C1orf87: variants seen among roughly 807,000 people sequenced by gnomAD.
C1orf87 encodes chromosome 1 open reading frame 87, also known as uncharacterized protein C1orf87.
Under a neutral mutation model 60.5 loss-of-function variants are expected in C1orf87, and 58 were observed. The ratio of observed to expected loss-of-function variants is 0.96; its 90% CI spans 0.78 to 1.19. The LOEUF is 1.19. Ranked by LOEUF, C1orf87 falls within the 50% of genes most tolerant of loss-of-function variation. The pLI is 0.00. For missense variants in C1orf87, 673 were observed against 638.6 expected, an observed-to-expected ratio of 1.05 and a Z score of -0.58; for synonymous variants, 236 against 227.4, an observed-to-expected ratio of 1.04 and a Z score of -0.34.
At chr1:60,059,306 C>T (rs1471456316) in intron 2 of C1orf87, among the ~76,000 whole-genome samples, 1 of 152,324 alleles carries the variant, frequency 6.6e-6, no homozygotes, top group Non-Finnish European at 1.5e-5. Flanking sequence ...GCCATCAATA[C>T]TATCTTGGAA....
chr1:60,034,135 T>C (rs1645258703), intron 6 of C1orf87, among the ~76,000 whole-genome samples: 1 of 152,194 alleles, frequency 6.6e-6, no homozygotes. Context: ...ACCAGCTGGA[T>C]TTCCTGCATT....
intron 2 of C1orf87, among the ~76,000 whole-genome samples, chr1:60,064,811 AT>A: frequency 2.3e-5 from 2 of 85,644 alleles, no homozygotes; most frequent in Admixed American, 1.9e-4. Context: ...ATTATATTTA[AT>A]ATATATAAAT....
At chr1:60,047,214 G>A (rs1645378375) in intron 3 of C1orf87, among the ~76,000 whole-genome samples, 1 of 151,804 alleles carries the variant, frequency 6.6e-6, no homozygotes, top group Admixed American at 6.6e-5. Flanking sequence ...ATAAATGCTT[G>A]GTTGTTTTAT....
At chr1:60,064,714 A>T (rs1487731906) in intron 2 of C1orf87, among the ~76,000 whole-genome samples, 1 of 101,292 alleles carries the variant, frequency 9.9e-6, no homozygotes, top group Admixed American at 1.6e-4. Flanking sequence ...TTCAATATAT[A>T]TAAATATATT....
At chr1:60,008,091 G>T (rs1645058596) in intron 9 of C1orf87, among the ~76,000 whole-genome samples, 1 of 151,988 alleles carries the variant, frequency 6.6e-6, no homozygotes, top group Admixed American at 6.6e-5. Flanking sequence ...AAGAGACCAA[G>T]ACATTGACTA....
chr1:60,002,573 T>G (rs1051177791), intron 9 of C1orf87, among the ~76,000 whole-genome samples: 4 of 152,016 alleles, frequency 2.6e-5, no homozygotes, highest in Non-Finnish European at 4.4e-5. Context: ...TTTCTCCCAT[T>G]TTGTAGGTTG....
intron 7 of C1orf87, among the ~76,000 whole-genome samples, chr1:60,030,509 GA>G (rs1364775429): frequency 3.3e-5 from 5 of 152,188 alleles, no homozygotes; most frequent in African/African-American, 1.2e-4. Flanking sequence ...GAAGCTACAT[GA>G]AAATGAAGCA....
intron 8 of C1orf87, among the ~76,000 whole-genome samples, chr1:60,011,898 C>T (rs1246730867): frequency 6.6e-6 from 1 of 151,988 alleles, no homozygotes; most frequent in Non-Finnish European, 1.5e-5. Context: ...ACTTTGGGCA[C>T]ATGATTAGAC....
Position 60,000,966 on chromosome 1 carries a change from G to C in C1orf87, c.1272+111C>G, listed in dbSNP as rs182623744. 21 of 857,182 alleles carry C rather than the reference G, an allele frequency of 2.4e-5. No homozygotes were observed. In the Admixed American group the frequency reaches 5.0e-4, roughly 20 times the overall value. The allele number at this position is 857,182 out of a possible 1,614,324, so 53.1% of individuals were successfully genotyped here. On this transcript the variant is annotated intron_variant, in intron 10 of 11. Coordinates refer to ENST00000371201, the MANE Select transcript of C1orf87 (RefSeq NM_152377.3). ...GAAGTCAAAGACAGTCTGACATCAAGGGTTTGGGAGAAAATCAAAACCCAC... is the reference window on the plus strand; with the variant it reads ...GAAGTCAAAGACAGTCTGACATCAACGGTTTGGGAGAAAATCAAAACCCAC...
At chr1:60,043,454 T>C (rs985531794) in intron 3 of C1orf87, among the ~76,000 whole-genome samples, 3 of 152,136 alleles carry the variant, frequency 2.0e-5, no homozygotes, top group Non-Finnish European at 4.4e-5. Flanking sequence ...CGATCTCGGC[T>C]CACTGCAACT....
intron 9 of C1orf87, among the ~76,000 whole-genome samples, chr1:60,009,277 T>A (rs1223168708): frequency 6.6e-6 from 1 of 151,836 alleles, no homozygotes; most frequent in Non-Finnish European, 1.5e-5. Flanking sequence ...GAGATTGGAG[T>A]TACACAATAA....
chr1:59,997,516 T>A (rs1429248826), intron 11 of C1orf87, 93 bp downstream of exon 11: 4 of 1,095,072 alleles, frequency 3.7e-6, no homozygotes, highest in Non-Finnish European at 2.7e-6. Context: ...ATTAATTGTA[T>A]CATTTGTTCA....
chr1:60,032,462 G>A (rs913542771), intron 7 of C1orf87, among the ~76,000 whole-genome samples: 34 of 103,194 alleles, frequency 3.3e-4, no homozygotes, highest in African/African-American at 1.3e-3. Context: ...TTTTGAGACT[G>A]AGTCTCGCTC....
chr1:60,000,549 T>G (rs1644994685), intron 10 of C1orf87, among the ~76,000 whole-genome samples: 1 of 152,084 alleles, frequency 6.6e-6, no homozygotes, highest in Non-Finnish European at 1.5e-5. Flanking sequence ...GTTTTTAAAT[T>G]CTGTCTACAA....
intron 7 of C1orf87, among the ~76,000 whole-genome samples, chr1:60,032,511 C>T (rs1270442382): frequency 1.4e-5 from 2 of 140,914 alleles, no homozygotes; most frequent in African/African-American, 5.3e-5. Flanking sequence ...GATCTTGGCT[C>T]ACTGCAACCT....
intron 11 of C1orf87, among the ~76,000 whole-genome samples, chr1:59,992,047 T>C (rs1014570238): frequency 2.0e-5 from 3 of 152,052 alleles, no homozygotes; most frequent in Non-Finnish European, 2.9e-5. Context: ...TAAAATTTAC[T>C]ATGTTCCAGG....
chr1:59,991,096 G>T (rs1644918985), intron 11 of C1orf87, among the ~76,000 whole-genome samples: 1 of 152,142 alleles, frequency 6.6e-6, no homozygotes, highest in South Asian at 2.1e-4. Context: ...AAATTCTAAA[G>T]CAATTTAGGC....
chr1:60,067,039 T>C (rs1645551561), intron 2 of C1orf87, among the ~76,000 whole-genome samples: 2 of 152,236 alleles, frequency 1.3e-5, no homozygotes, highest in Admixed American at 1.3e-4. Context: ...TAATATTTCA[T>C]GGTGTATATG....
intron 2 of C1orf87, among the ~76,000 whole-genome samples, chr1:60,059,973 G>C (rs536684449): frequency 2.0e-5 from 3 of 152,112 alleles, no homozygotes; most frequent in Non-Finnish European, 4.4e-5. Context: ...ATCGGAAATG[G>C]GAGGGGAGTA....
Sources: allele counts gnomAD v4.1 joint callset (sites outside exome capture counted in the v4.1 genomes callset), GRCh38; gene constraint gnomAD v4.1.1; transcripts MANE v1.5; gene names NCBI Gene and HGNC (gene_info 2026-07-23, HGNC 2026-07-21).